Variants in RNLS observed in about 807,000 individuals in gnomAD.
RNLS encodes the protein renalase, FAD dependent amine oxidase.
Under a neutral mutation model 39.8 loss-of-function variants are expected in RNLS, and 39 were observed. The observed-to-expected ratio is 0.98, with a 90% CI of 0.76 to 1.28. The LOEUF (loss-of-function observed/expected upper bound fraction) is 1.28, where lower values mean the gene tolerates loss of function less well. Among genes scored for constraint, RNLS ranks in the 50% most tolerant of loss-of-function variants. The pLI is 0.00. For missense variants in RNLS, 410 were observed against 413.3 expected, an observed-to-expected ratio of 0.99 and a Z score of 0.07; for synonymous variants, 147 against 150.7, an observed-to-expected ratio of 0.98 and a Z score of 0.18.
rs149984323 is a variant in RNLS at position 88,560,132 on chromosome 10, G to C, written c.526+12771C>G. On this transcript the variant is annotated intron_variant, in intron 4 of 6. Coordinates refer to ENST00000331772, the MANE Select transcript of RNLS (RefSeq NM_001031709.3). The stretch of plus-strand genomic sequence containing the variant: ...GACTTTCTTGAGGAAGTGGTTTTGA[G>C]CTGAGGTTGAAGGATGAAAAAGGGC... Among the ~76,000 whole-genome samples the C allele has an allele frequency of 1.9e-3, 286 of 152,156 alleles. 2 individuals carry two copies. The highest frequency in any genetic ancestry group is 6.6e-3 in the African/African-American group (275 of 41,528).
intron 4 of RNLS, among the ~76,000 whole-genome samples, chr10:88,432,320 C>G (rs1268495038): frequency 6.6e-6 from 1 of 151,690 alleles, no homozygotes; most frequent in East Asian, 1.9e-4. Context: ...TATTATTCAT[C>G]CTTTTTACTT....
intron 4 of RNLS, among the ~76,000 whole-genome samples, chr10:88,382,620 T>C (rs939405676): frequency 6.6e-6 from 1 of 152,140 alleles, no homozygotes; most frequent in African/African-American, 2.4e-5. Context: ...TTAAGACTAT[T>C]AGCTTTTTGG....
intron 4 of RNLS, among the ~76,000 whole-genome samples, chr10:88,467,084 G>A (rs192845068): frequency 1.3e-5 from 2 of 152,022 alleles, no homozygotes; most frequent in Admixed American, 1.3e-4. Flanking sequence ...TCATCAGTTT[G>A]GAGTTTGGAA....
the RNLS span, among the ~76,000 whole-genome samples, chr10:88,238,393 C>A: frequency 6.6e-6 from 1 of 152,150 alleles, no homozygotes; most frequent in South Asian, 2.1e-4. Context: ...TTTGAAAGCC[C>A]AAAGTGTAAG....
At chr10:88,188,301 C>A in the RNLS span, among the ~76,000 whole-genome samples, 1 of 152,236 alleles carries the variant, frequency 6.6e-6, no homozygotes, top group African/African-American at 2.4e-5. Context: ...AAGTGATCCT[C>A]CTGCCTTGGC....
intron 5 of RNLS, among the ~76,000 whole-genome samples, chr10:88,334,288 A>G (rs960262976): frequency 6.6e-6 from 1 of 152,156 alleles, no homozygotes; most frequent in Non-Finnish European, 1.5e-5. Context: ...TTTAGTTTTC[A>G]GTTAGTTATG....
chr10:88,543,248 A>G (rs1270241489), intron 4 of RNLS, among the ~76,000 whole-genome samples: 1 of 151,934 alleles, frequency 6.6e-6, no homozygotes, highest in Non-Finnish European at 1.5e-5. Context: ...CTATGACTCC[A>G]TCCTCTCCCC....
At chr10:88,241,586 CT>C in the RNLS span, among the ~76,000 whole-genome samples, 1 of 152,106 alleles carries the variant, frequency 6.6e-6, no homozygotes, top group Admixed American at 6.6e-5. Flanking sequence ...AAACAACCAG[CT>C]TTTCATTTTG....
At chr10:88,442,226 A>G (rs1343298422) in intron 4 of RNLS, among the ~76,000 whole-genome samples, 2 of 152,238 alleles carry the variant, frequency 1.3e-5, no homozygotes, top group East Asian at 3.8e-4. Context: ...CAGAAGGTAA[A>G]GAGAAAGCAA....
intron 5 of RNLS, among the ~76,000 whole-genome samples, chr10:88,317,812 C>T (rs1845876364): frequency 6.6e-6 from 1 of 152,010 alleles, no homozygotes; most frequent in Non-Finnish European, 1.5e-5. Flanking sequence ...GGGGAAAAAG[C>T]TGAGATGCAG....
intron 4 of RNLS, among the ~76,000 whole-genome samples, chr10:88,534,891 G>A (rs1473237336): frequency 6.6e-6 from 1 of 152,100 alleles, no homozygotes; most frequent in Non-Finnish European, 1.5e-5. Flanking sequence ...TCAAATATAA[G>A]CACTGTCATT....
chr10:88,464,927 A>G (rs1317402291), intron 4 of RNLS, among the ~76,000 whole-genome samples: 1 of 152,086 alleles, frequency 6.6e-6, no homozygotes, highest in Non-Finnish European at 1.5e-5. Context: ...TGTTTATCTC[A>G]TCCATACAGC....
chr10:88,424,928 A>G (rs1854643266), intron 4 of RNLS, among the ~76,000 whole-genome samples: 1 of 152,140 alleles, frequency 6.6e-6, no homozygotes, highest in African/African-American at 2.4e-5. Context: ...CATTTTTAAA[A>G]GACTCATTCA....
At chr10:88,343,819 GA>G in intron 5 of RNLS, 1 of 985,288 alleles carries the variant, frequency 1.0e-6, no homozygotes, top group Non-Finnish European at 1.2e-6. Context: ...CTGCCAAAAG[GA>G]AAAACGAAAG....
intron 3 of RNLS, among the ~76,000 whole-genome samples, chr10:88,576,384 T>C (rs905310580): frequency 6.6e-6 from 1 of 152,210 alleles, no homozygotes; most frequent in East Asian, 1.9e-4. Context: ...CAAAGGCAAA[T>C]GTGTTTCTGT....
At chr10:88,575,805 T>TA (rs557883256) in intron 3 of RNLS, among the ~76,000 whole-genome samples, 77,167 of 151,898 alleles carry the variant, frequency 0.51, 19,903 homozygotes, top group African/African-American at 0.58. Flanking sequence ...CCATCGCACT[T>TA]AGAGTATAAA....
chr10:88,508,809 A>C (rs1299343098), intron 4 of RNLS, among the ~76,000 whole-genome samples: 3 of 151,930 alleles, frequency 2.0e-5, no homozygotes, highest in Non-Finnish European at 4.4e-5. Context: ...GCAAAAATTT[A>C]AGGAAAAAAA....
intron 4 of RNLS, among the ~76,000 whole-genome samples, chr10:88,414,243 T>TA (rs34491405): frequency 0.34 from 50,034 of 146,820 alleles, 9,543 homozygotes; most frequent in African/African-American, 0.52. Flanking sequence ...AAAAAAGTGG[T>TA]AAAAAAAAAA....
the RNLS span, among the ~76,000 whole-genome samples, chr10:88,186,496 G>A: frequency 6.6e-6 from 1 of 152,270 alleles, no homozygotes; most frequent in Non-Finnish European, 1.5e-5. Context: ...AAACCCAGCA[G>A]AAGAATGTTG....
Sources: gnomAD v4.1 joint callset for allele counts (sites outside exome capture counted in the v4.1 genomes callset) on GRCh38, gnomAD v4.1.1 for gene constraint, MANE v1.5 for transcripts, NCBI Gene and HGNC (gene_info 2026-07-23, HGNC 2026-07-21) for gene names.